EPHA7: variants seen among roughly 807,000 people sequenced by gnomAD.
EPHA7 encodes the protein EPH receptor A7.
EPHA7 carries 25 observed loss-of-function variants against 112.6 expected under a neutral mutation model. The ratio of observed to expected loss-of-function variants is 0.22; its 90% CI spans 0.16 to 0.31. The LOEUF (loss-of-function observed/expected upper bound fraction) is 0.31. Among genes scored for constraint, EPHA7 ranks in the 10% least tolerant of loss-of-function variants. EPHA7 has a pLI of 1.00. For missense variants in EPHA7, 962 were observed against 1,212.6 expected (o/e 0.79, Z 3.07); for synonymous variants, 437 against 406.5 (o/e 1.07, Z -0.90).
In EPHA7 at chr6:93,419,268, C is replaced by T. The variant is rs529519500; in HGVS notation, c.74G>A (p.Gly25Glu). The change falls in exon 1 of 17, where the codon GGG becomes GAG. Residue 25 changes from glycine (G) to glutamate (E), a missense_variant. Transcript: ENST00000369303. ...YIWLLRFAHT[G>E]EAQAAKEVLL... ...ACCTTCCTTCGCAGCCTGCGCCTCCCCTGTGTGTGCAAAGCGGAGCAGCCA... is the reference window on the plus strand; with the variant it reads ...ACCTTCCTTCGCAGCCTGCGCCTCCTCTGTGTGTGCAAAGCGGAGCAGCCA... The T allele has an allele frequency of 6.2e-7, 1 of 1,613,954 alleles. No homozygotes were observed. The highest frequency in any genetic ancestry group is 1.3e-5 in the African/African-American group (1 of 75,064).
chr6:93,301,333 T>C (rs538895350), intron 5 of EPHA7, among the ~76,000 whole-genome samples: 46 of 152,292 alleles, frequency 3.0e-4, no homozygotes, highest in African/African-American at 1.0e-3. Context: ...GAGATAGATA[T>C]CTATTACTTA....
At chr6:93,315,356 A>T (rs1179311404) in intron 5 of EPHA7, among the ~76,000 whole-genome samples, 2 of 152,180 alleles carry the variant, frequency 1.3e-5, no homozygotes, top group Non-Finnish European at 2.9e-5. Context: ...GATCTCAAAG[A>T]TTCAAATTAA....
chr6:93,400,598 A>G (rs562137424), intron 3 of EPHA7, among the ~76,000 whole-genome samples: 225 of 152,130 alleles, frequency 1.5e-3, no homozygotes, highest in Non-Finnish European at 2.6e-3. Context: ...TGGTACCATT[A>G]TCACTCACTG....
At chr6:93,407,559 G>C (rs1206348208) in intron 3 of EPHA7, among the ~76,000 whole-genome samples, 1 of 151,996 alleles carries the variant, frequency 6.6e-6, no homozygotes, top group Non-Finnish European at 1.5e-5. Context: ...TATGTCATAA[G>C]CAATTTACTT....
At chr6:93,260,311 ATCT>A (rs1770629596) in intron 9 of EPHA7, among the ~76,000 whole-genome samples, 1 of 151,884 alleles carries the variant, frequency 6.6e-6, no homozygotes, top group Non-Finnish European at 1.5e-5. Context: ...AAAAGTTAAA[ATCT>A]TCTTAAAATG....
intron 5 of EPHA7, among the ~76,000 whole-genome samples, chr6:93,310,475 G>A (rs1773473467): frequency 6.6e-6 from 1 of 152,114 alleles, no homozygotes; most frequent in South Asian, 2.1e-4. Context: ...GACCAGCCTG[G>A]CCAAGATGGT....
chr6:93,398,333 G>C (rs551004626), intron 3 of EPHA7, among the ~76,000 whole-genome samples: 19 of 151,882 alleles, frequency 1.3e-4, no homozygotes, highest in Admixed American at 7.9e-4. Flanking sequence ...GGTAATTCTG[G>C]AATTATACAA....
intron 5 of EPHA7, among the ~76,000 whole-genome samples, chr6:93,305,940 T>C (rs1262682969): frequency 6.6e-6 from 1 of 151,942 alleles, no homozygotes; most frequent in African/African-American, 2.4e-5. Flanking sequence ...CTCCTGGCTT[T>C]AAAATAAATC....
At chr6:93,381,805 G>A (rs1265314561) in intron 3 of EPHA7, among the ~76,000 whole-genome samples, 1 of 151,558 alleles carries the variant, frequency 6.6e-6, no homozygotes, top group Non-Finnish European at 1.5e-5. Context: ...GAAATTGATG[G>A]CATTTCCATC....
At position 93,242,088 on chromosome 6, in the gene EPHA7, A is replaced by G. The variant is rs1426833123; in HGVS notation, c.*1338T>C. On this transcript the variant is annotated 3_prime_UTR_variant, in exon 17 of 17. Coordinates refer to ENST00000369303, the MANE Select transcript of EPHA7 (RefSeq NM_004440.4). ...ATGTATACATTCCTGCAATATCTAT[A>G]AAGACACATTTAATTATTGCTTATG... 1.0e-5 allele frequency: 2 copies of G among 199,322 alleles called. No homozygotes were observed. Among genetic ancestry groups the G allele is most frequent in the Non-Finnish European group, 2.1e-5 (2 of 96,140 alleles). The allele number at this position is 199,322 out of a possible 1,614,324, so 12.3% of individuals were successfully genotyped here.
intron 5 of EPHA7, among the ~76,000 whole-genome samples, chr6:93,324,989 A>AT (rs1024551102): frequency 4.6e-5 from 7 of 151,226 alleles, no homozygotes; most frequent in Middle Eastern, 3.4e-3. Flanking sequence ...GAAAAAAGGC[A>AT]TTTTTTTTCC....
Position 93,256,046 on chromosome 6 carries a change from A to G in EPHA7, c.2173-9T>C, listed in dbSNP as rs1562047304. The stretch of plus-strand genomic sequence containing the variant: ...AATTGCCCATCATGTTTCTGCAGGA[A>G]GACAAAAATAAAAGCCCAGTTAACT... On this transcript the variant is annotated splice_polypyrimidine_tract_variant and intron_variant, in intron 12 of 16. Transcript: ENST00000369303. The G allele has an allele frequency of 3.7e-6, 6 of 1,613,590 alleles. No individual in the cohort carries two copies. Among genetic ancestry groups the G allele is most frequent in the Non-Finnish European group, 5.1e-6 (6 of 1,179,804 alleles).
intron 4 of EPHA7, among the ~76,000 whole-genome samples, chr6:93,357,615 C>A (rs1776017030): frequency 6.7e-6 from 1 of 149,184 alleles, no homozygotes; most frequent in Non-Finnish European, 1.5e-5. Flanking sequence ...GAAACCATTA[C>A]TTTTTAATAA....
intron 10 of EPHA7, 91 bp downstream of exon 10, chr6:93,259,263 T>C (rs1770579758): frequency 6.6e-7 from 1 of 1,510,650 alleles, no homozygotes; most frequent in Non-Finnish European, 9.1e-7. Context: ...GTTCTATACT[T>C]GAGGGATAAT....
At chr6:93,398,493 T>C (rs1778286749) in intron 3 of EPHA7, among the ~76,000 whole-genome samples, 1 of 152,062 alleles carries the variant, frequency 6.6e-6, no homozygotes. Context: ...GAAATTACTA[T>C]TTATCTTTCC....
intron 5 of EPHA7, among the ~76,000 whole-genome samples, chr6:93,305,219 C>A (rs1773191972): frequency 1.3e-5 from 2 of 151,036 alleles, no homozygotes; most frequent in Non-Finnish European, 3.0e-5. Context: ...ATGAGTTAGA[C>A]CTTATAGGAT....
chr6:93,312,909 ATAGT>A (rs1467661357), intron 5 of EPHA7, among the ~76,000 whole-genome samples: 2 of 152,188 alleles, frequency 1.3e-5, no homozygotes, highest in Non-Finnish European at 2.9e-5. Flanking sequence ...AGATAGGGAA[ATAGT>A]TGGTGGAGCA....
Position 93,246,502 on chromosome 6 carries a change from C to T in EPHA7, c.2726+290G>A, listed in dbSNP as rs372603471. ...AATAATATTGGTCTGAAAATATGAA[C>T]TGCTGCTATCTTATCACAAAAATCC... On this transcript the variant is annotated intron_variant, in intron 15 of 16. Transcript: ENST00000369303. Among the ~76,000 whole-genome samples, 4 of 152,248 alleles carry T rather than the reference C, an allele frequency of 2.6e-5. 1 individual carries two copies. Among genetic ancestry groups the T allele is most frequent in the Admixed American group, 6.5e-5 (1 of 15,294 alleles).
At chr6:93,372,884 T>C (rs1217664779) in intron 3 of EPHA7, among the ~76,000 whole-genome samples, 1 of 152,102 alleles carries the variant, frequency 6.6e-6, no homozygotes, top group Non-Finnish European at 1.5e-5. Flanking sequence ...ATCTATATCA[T>C]GATTTCATTA....
Sources: allele counts gnomAD v4.1 joint callset (sites outside exome capture counted in the v4.1 genomes callset), GRCh38; gene constraint gnomAD v4.1.1; transcripts MANE v1.5; gene names NCBI Gene and HGNC (gene_info 2026-07-23, HGNC 2026-07-21).